Variants in NOS3 observed in about 807,000 individuals in gnomAD.
The protein encoded by NOS3 is NOS type III.
A neutral mutation model predicts 144.9 loss-of-function variants in NOS3; 98 were observed. The observed-to-expected ratio is 0.68, with a 90% CI of 0.57 to 0.80. The LOEUF (loss-of-function observed/expected upper bound fraction) is 0.80. Ranked by LOEUF, NOS3 falls within the 30% of genes least tolerant of loss-of-function variation. The pLI is 0.00. For missense variants in NOS3, 1,465 were observed against 1,656.4 expected, an observed-to-expected ratio of 0.88 and a Z score of 2.01; for synonymous variants, 714 against 702.4, an observed-to-expected ratio of 1.02 and a Z score of -0.26.
In NOS3 at chr7:150,999,348, G is replaced by C; in HGVS notation, c.1115G>C (p.Arg372Pro). The C allele has an allele frequency of 6.3e-7, 1 of 1,583,382 alleles. No individual in the cohort carries two copies. Among genetic ancestry groups the C allele is most frequent in the Non-Finnish European group, 8.6e-7 (1 of 1,163,556 alleles). Residue 372 changes from arginine (R) to proline (P), a missense_variant, in exon 9 of 27, where the codon CGC becomes CCC. Around this residue, in one of 5 missense-constraint regions of NOS3, gnomAD observed 745 missense variants for 853.9 expected, o/e 0.87. Transcript: ENST00000297494. Reference sequence around the variant, plus strand: ...ACGAGGAACCTGTGTGACCCTCACCGCTACAACATCCTGGAGGTGAGGTGC... The same window carrying C: ...ACGAGGAACCTGTGTGACCCTCACCCCTACAACATCCTGGAGGTGAGGTGC... ...IGTRNLCDPH[R>P]YNILEDVAVC...
intron 5 of NOS3, among the ~76,000 whole-genome samples, chr7:150,997,731 T>C (rs1258556933): frequency 1.3e-5 from 2 of 152,152 alleles, no homozygotes; most frequent in Non-Finnish European, 2.9e-5. Context: ...AAGCTTTAGC[T>C]CAACTTCGAT....
intron 14 of NOS3, among the ~76,000 whole-genome samples, chr7:151,004,942 C>T (rs1156591981): frequency 6.6e-6 from 1 of 152,178 alleles, no homozygotes; most frequent in Non-Finnish European, 1.5e-5. Context: ...ACTGCAACCT[C>T]CGCCTCCCCG....
At chr7:151,012,129 T>G in intron 23 of NOS3, 1 of 507,352 alleles carries the variant, frequency 2.0e-6, no homozygotes, top group South Asian at 2.7e-5. Context: ...CATCTAAGTA[T>G]TCTTCAATCC....
intron 17 of NOS3, 67 bp downstream of exon 17, chr7:151,007,343 C>A: frequency 6.8e-7 from 1 of 1,471,170 alleles, no homozygotes; most frequent in Non-Finnish European, 9.0e-7. Context: ...CTCACTCTGC[C>A]CTGATTCTGT....
At chr7:151,001,463 C>A (rs1349678095) in intron 11 of NOS3, 38 bp downstream of exon 11, 2 of 1,598,302 alleles carry the variant, frequency 1.3e-6, no homozygotes, top group Non-Finnish European at 1.7e-6. Context: ...CTGGGCCCAG[C>A]TCTAATTCTA....
intron 15 of NOS3, 86 bp downstream of exon 15, chr7:151,006,580 C>T: frequency 8.5e-7 from 1 of 1,179,442 alleles, no homozygotes; most frequent in Non-Finnish European, 1.2e-6. Context: ...AGCTCTCCCT[C>T]TGTGCCTCAA....
chr7:150,997,802 G>T (rs1802465194), intron 5 of NOS3, among the ~76,000 whole-genome samples: 1 of 152,152 alleles, frequency 6.6e-6, no homozygotes, highest in Non-Finnish European at 1.5e-5. Context: ...ACCCCAGGTT[G>T]GTCCCTGCCA....
intron 14 of NOS3, among the ~76,000 whole-genome samples, chr7:151,005,573 C>T (rs966598256): frequency 6.6e-6 from 1 of 152,142 alleles, no homozygotes; most frequent in East Asian, 1.9e-4. Context: ...AGAGCTGTGC[C>T]CTCCCCTGCA....
chr7:151,013,217 G>A lies in NOS3; in HGVS notation c.3107-14G>A, dbSNP rs752728880. On this transcript the variant is annotated splice_polypyrimidine_tract_variant and intron_variant, in intron 24 of 26. Transcript: ENST00000297494. ...CCCGGAGAAGAGCCTTCCCAAGCGC[G>A]GGGTTGCTTGCAGGGCTGCAGCCCA... 6 of 1,608,580 alleles carry A rather than the reference G, an allele frequency of 3.7e-6. No individual in the cohort carries two copies. The highest frequency in any genetic ancestry group is 2.2e-5 in the South Asian group (2 of 90,670).
Position 150,996,506 on chromosome 7 carries a change from A to T in NOS3, c.373A>T (p.Ser125Cys). ...PGPPAPEQLL[S>C]QARDFINQYY... ...CCCCCCGGCCCCTGAGCAGCTGCTG[A>T]GTCAGGCCCGGGACTTCATCAACCA... Residue 125 changes from serine to cysteine, a missense_variant, in exon 4 of 27, where the codon AGT becomes TGT. This residue lies in a region of NOS3 where 374 missense variants were observed against 377.0 expected (regional missense o/e 0.99). Transcript: ENST00000297494. The T allele has an allele frequency of 6.2e-7, 1 of 1,605,156 alleles. No individual in the cohort carries two copies. The highest frequency in any genetic ancestry group is 8.5e-7 in the Non-Finnish European group (1 of 1,177,624).
At chr7:150,995,111 G>T (rs556610062) in intron 2 of NOS3, 92 bp from the exon 3 acceptor site, 22 of 662,336 alleles carry the variant, frequency 3.3e-5, no homozygotes, top group South Asian at 3.2e-4. Flanking sequence ...CTGTGAGATC[G>T]CCAGTGCTGT....
chr7:150,992,517 T>A (rs1023069926), intron 1 of NOS3, among the ~76,000 whole-genome samples: 3 of 152,134 alleles, frequency 2.0e-5, no homozygotes, highest in Non-Finnish European at 2.9e-5. Flanking sequence ...GAGCAGCTTA[T>A]GAGGCCCCTT....
chr7:151,014,434 C>T lies in NOS3; in HGVS notation c.*265C>T. On this transcript the variant is annotated 3_prime_UTR_variant, in exon 27 of 27. Coordinates refer to ENST00000297494, the MANE Select transcript of NOS3 (RefSeq NM_000603.5). Reference sequence around the variant, plus strand: ...CCCAGGGCCTACTGCCACCCGCTTCCTGTTTCTTAGTCGAATGTTAGATTC... The same window carrying T: ...CCCAGGGCCTACTGCCACCCGCTTCTTGTTTCTTAGTCGAATGTTAGATTC... 1 of 467,930 alleles carries T rather than the reference C, an allele frequency of 2.1e-6. No individual in the cohort carries two copies. Among genetic ancestry groups the T allele is most frequent in the Non-Finnish European group, 3.8e-6 (1 of 264,482 alleles). The allele number at this position is 467,930 out of a possible 1,614,324, so 29.0% of individuals were successfully genotyped here. A position where few individuals can be genotyped will look rare whatever the true frequency, so the allele number is the denominator to read the frequency against.
At chr7:151,012,307 G>A in intron 23 of NOS3, 44 bp from the exon 24 acceptor site, 1 of 1,516,818 alleles carries the variant, frequency 6.6e-7, no homozygotes, top group East Asian at 2.5e-5. Context: ...GAATGGTGGA[G>A]CAGGAAAGGC....
intron 3 of NOS3, 49 bp downstream of exon 3, chr7:150,995,363 A>G: frequency 7.5e-7 from 1 of 1,338,398 alleles, no homozygotes; most frequent in Non-Finnish European, 1.1e-6. Flanking sequence ...AAGGGTGGGT[A>G]AGGCCTGGCC....
In NOS3 at chr7:150,995,273, G is replaced by A. The variant is rs1802348228; in HGVS notation, c.229G>A (p.Gly77Arg). The change falls in exon 3 of 27, where the codon GGG becomes AGG. Residue 77 changes from glycine (G) to arginine (R), a missense_variant. Gly to Arg is a moderately radical substitution (Grantham distance 125, BLOSUM62 -2). This residue lies in a region of NOS3 where 374 missense variants were observed against 377.0 expected (regional missense o/e 0.99). Coordinates refer to ENST00000297494, the MANE Select transcript of NOS3 (RefSeq NM_000603.5). ...KFPRVKNWEV[G>R]SITYDTLSAQ... ...CCCTCGTGTGAAGAACTGGGAGGTG[G>A]GGAGCATCACCTATGACACCCTCAG... The A allele has an allele frequency of 1.2e-6, 2 of 1,611,438 alleles. No homozygotes were observed. Among genetic ancestry groups the A allele is most frequent in the Non-Finnish European group, 1.7e-6 (2 of 1,179,078 alleles).
At chr7:151,009,143 C>A in intron 18 of NOS3, 46 bp from the exon 19 acceptor site, 1 of 1,613,268 alleles carries the variant, frequency 6.2e-7, no homozygotes, top group Non-Finnish European at 8.5e-7. Flanking sequence ...GGGCCAGGCC[C>A]TGCTCCCTAG....
intron 23 of NOS3, 99 bp downstream of exon 23, chr7:151,011,085 G>A: frequency 1.3e-6 from 1 of 795,918 alleles, no homozygotes; most frequent in Non-Finnish European, 2.1e-6. Context: ...GAAACAGGAA[G>A]GAGCTCTGTA....
Position 151,010,987 on chromosome 7 carries a change from G to A in NOS3, c.2984+1G>A, listed in dbSNP as rs1795292618. ...ACCCTGTGCCCTGCTTCATCCGGGGGTAAGTGAGATGGAAGACTTGGTGGG... is the reference window on the plus strand; with the variant it reads ...ACCCTGTGCCCTGCTTCATCCGGGGATAAGTGAGATGGAAGACTTGGTGGG... On this transcript the variant is annotated splice_donor_variant, in intron 23 of 26. Coordinates refer to ENST00000297494, the MANE Select transcript of NOS3 (RefSeq NM_000603.5). LOFTEE classifies it high-confidence loss of function. The A allele has an allele frequency of 6.2e-7, 1 of 1,611,408 alleles. No homozygotes were observed. The highest frequency in any genetic ancestry group is 8.5e-7 in the Non-Finnish European group (1 of 1,178,056).
Sources: gnomAD v4.1 joint callset for allele counts (sites outside exome capture counted in the v4.1 genomes callset) on GRCh38, gnomAD v4.1.1 for gene constraint, gnomAD v4.1.1 regional missense constraint, MANE v1.5 for transcripts, NCBI Gene and HGNC (gene_info 2026-07-23, HGNC 2026-07-21) for gene names.